The following RASEF variants were observed in gnomAD, a reference collection of about 807,000 sequenced individuals.
RASEF encodes RAS and EF-hand domain containing.
Under a neutral mutation model 90.1 loss-of-function variants are expected in RASEF, and 68 were observed. That is an observed-to-expected ratio of 0.75 (90% CI 0.62 to 0.92). RASEF has a LOEUF of 0.92. Among genes scored for constraint, RASEF ranks in the 40% least tolerant of loss-of-function variants. The pLI is 0.00. For missense variants in RASEF, 949 were observed against 937.2 expected (o/e 1.01, Z -0.16); for synonymous variants, 331 against 345.2 (o/e 0.96, Z 0.46).
chr9:83,025,271 G>A (rs1342333493), intron 2 of RASEF, among the ~76,000 whole-genome samples: 1 of 152,094 alleles, frequency 6.6e-6, no homozygotes, highest in African/African-American at 2.4e-5. Context: ...CAGCACTGCT[G>A]AGCACCCACC....
At chr9:83,071,204 A>G in the RASEF span, among the ~76,000 whole-genome samples, 1 of 152,152 alleles carries the variant, frequency 6.6e-6, no homozygotes, top group Non-Finnish European at 1.5e-5. Flanking sequence ...ATTCCTAGTC[A>G]CAGGGGATGG....
At chr9:83,044,791 G>A (rs1365097546) in intron 1 of RASEF, among the ~76,000 whole-genome samples, 6 of 152,186 alleles carry the variant, frequency 3.9e-5, no homozygotes, top group Admixed American at 1.3e-4. Flanking sequence ...AAACATGTGA[G>A]TATGTTGCTG....
chr9:83,140,029 C>A, the RASEF span, among the ~76,000 whole-genome samples: 1 of 152,192 alleles, frequency 6.6e-6, no homozygotes, highest in East Asian at 1.9e-4. Flanking sequence ...TGTAGATGGA[C>A]TATACTAAGT....
the RASEF span, among the ~76,000 whole-genome samples, chr9:83,179,203 A>G: frequency 6.6e-6 from 1 of 152,196 alleles, no homozygotes; most frequent in Non-Finnish European, 1.5e-5. Flanking sequence ...AAATAAATTC[A>G]TAGCTATTAA....
chr9:83,201,792 G>A, the RASEF span, among the ~76,000 whole-genome samples: 2 of 152,142 alleles, frequency 1.3e-5, no homozygotes, highest in Non-Finnish European at 2.9e-5. Flanking sequence ...CTATTCTCAA[G>A]TAGTTTAGCA....
intron 3 of RASEF, among the ~76,000 whole-genome samples, chr9:83,018,419 T>C (rs1829382735): frequency 6.6e-6 from 1 of 152,166 alleles, no homozygotes; most frequent in Non-Finnish European, 1.5e-5. Context: ...GTACAAGATC[T>C]GTACAGTGAA....
chr9:83,187,980 G>C, the RASEF span, among the ~76,000 whole-genome samples: 1 of 152,150 alleles, frequency 6.6e-6, no homozygotes, highest in African/African-American at 2.4e-5. Context: ...AGAAAGTTCT[G>C]ATTCATATTA....
the RASEF span, among the ~76,000 whole-genome samples, chr9:83,199,848 C>T: frequency 6.6e-6 from 1 of 152,046 alleles, no homozygotes; most frequent in Non-Finnish European, 1.5e-5. Context: ...AGTTCCTGGA[C>T]CTGGAACTGG....
chr9:83,097,848 G>A, the RASEF span, among the ~76,000 whole-genome samples: 7 of 152,152 alleles, frequency 4.6e-5, no homozygotes, highest in Non-Finnish European at 7.3e-5. Flanking sequence ...CATTGTCATC[G>A]TCGTCATCGT....
the RASEF span, among the ~76,000 whole-genome samples, chr9:83,143,613 C>T: frequency 6.6e-6 from 1 of 151,764 alleles, no homozygotes; most frequent in African/African-American, 2.4e-5. Context: ...AGATATCATC[C>T]CACACCAATC....
At position 83,062,711 on chromosome 9, in the gene RASEF, G is replaced by T. The variant is rs766102616; in HGVS notation, c.157C>A (p.Arg53=). 46 of 1,578,956 alleles carry T rather than the reference G, an allele frequency of 2.9e-5. No homozygotes were observed. Among genetic ancestry groups the T allele is most frequent in the Non-Finnish European group, 3.6e-5 (42 of 1,171,190 alleles). Residue 53 remains arginine (R), a synonymous_variant, in exon 1 of 17, where the codon CGG becomes AGG. Transcript: ENST00000376447. ...RPADAEAVFQ[R]LDADRDGAIT... The stretch of plus-strand genomic sequence containing the variant: ...GCGCCGTCACGGTCGGCGTCCAGCC[G>T]CTGGAATACTGCCTCGGCGTCGGCC...
At chr9:83,053,560 G>C (rs943036424) in intron 1 of RASEF, among the ~76,000 whole-genome samples, 9 of 124,606 alleles carry the variant, frequency 7.2e-5, no homozygotes, top group African/African-American at 3.0e-4. Flanking sequence ...AGTTAATATT[G>C]TTATGTGTGA....
At chr9:83,067,311 A>G (rs1450356411), upstream of RASEF, among the ~76,000 whole-genome samples, 1 of 152,172 alleles carries the variant, frequency 6.6e-6, no homozygotes, top group African/African-American at 2.4e-5. Flanking sequence ...TTTCTCATGA[A>G]TATATACTCA....
At chr9:83,121,728 G>A in the RASEF span, among the ~76,000 whole-genome samples, 21 of 152,166 alleles carry the variant, frequency 1.4e-4, no homozygotes, top group Admixed American at 3.9e-4. Context: ...GACTAAGAGA[G>A]CTGACGCTAC....
chr9:83,176,191 A>C, the RASEF span, among the ~76,000 whole-genome samples: 6 of 152,134 alleles, frequency 3.9e-5, no homozygotes, highest in Non-Finnish European at 5.9e-5. Flanking sequence ...TCTGCTGTGC[A>C]TATATGTTTA....
At chr9:83,174,982 G>T in the RASEF span, among the ~76,000 whole-genome samples, 12 of 151,948 alleles carry the variant, frequency 7.9e-5, no homozygotes, top group African/African-American at 2.9e-4. Context: ...TATCACCTTG[G>T]AAAACTCATT....
At chr9:83,060,204 C>T (rs781054514) in intron 1 of RASEF, among the ~76,000 whole-genome samples, 1 of 152,116 alleles carries the variant, frequency 6.6e-6, no homozygotes, top group Non-Finnish European at 1.5e-5. Context: ...AATGGCACAC[C>T]TTCCTAGAAA....
intron 1 of RASEF, among the ~76,000 whole-genome samples, chr9:83,047,641 C>T (rs1271369069): frequency 6.6e-6 from 1 of 152,142 alleles, no homozygotes. Flanking sequence ...GCAGCATAAC[C>T]TGGAAGTAGA....
chr9:83,136,620 A>G, the RASEF span, among the ~76,000 whole-genome samples: 5 of 152,124 alleles, frequency 3.3e-5, no homozygotes, highest in African/African-American at 9.6e-5. Flanking sequence ...TAAATTAACA[A>G]TGATTTCATT....
Sources: gnomAD v4.1 joint callset for allele counts (sites outside exome capture counted in the v4.1 genomes callset) on GRCh38, gnomAD v4.1.1 for gene constraint, MANE v1.5 for transcripts, NCBI Gene and HGNC (gene_info 2026-07-23, HGNC 2026-07-21) for gene names.